Variants in MYT1L observed in about 807,000 individuals in gnomAD.
MYT1L encodes the protein myelin transcription factor 1 like.
A neutral mutation model predicts 126.7 loss-of-function variants in MYT1L; 12 were observed. The ratio of observed to expected loss-of-function variants is 0.09; its 90% confidence interval spans 0.06 to 0.15. The LOEUF (loss-of-function observed/expected upper bound fraction) is 0.15. Among genes scored for constraint, MYT1L ranks in the 10% least tolerant of loss-of-function variants. The pLI, the probability that MYT1L is intolerant of heterozygous loss-of-function variation, is 1.00. For missense variants in MYT1L, 979 were observed against 1,585.2 expected, an observed-to-expected ratio of 0.62 and a Z score of 6.49; for synonymous variants, 541 against 604.2, an observed-to-expected ratio of 0.90 and a Z score of 1.53.
intron 18 of MYT1L, among the ~76,000 whole-genome samples, chr2:1,876,045 C>G (rs1416732006): frequency 3.9e-5 from 6 of 152,214 alleles, no homozygotes; most frequent in Admixed American, 3.3e-4. Context: ...ACGTGCACAT[C>G]TGCGGTGAGG....
intron 2 of MYT1L, among the ~76,000 whole-genome samples, chr2:2,187,537 C>A (rs565557533): frequency 9.2e-5 from 14 of 151,586 alleles, no homozygotes; most frequent in Non-Finnish European, 1.9e-4. Context: ...GCCAGCCTCG[C>A]CCCCGTGGAA....
intron 9 of MYT1L, among the ~76,000 whole-genome samples, chr2:1,935,004 T>G (rs527488401): frequency 6.6e-6 from 1 of 152,322 alleles, no homozygotes; most frequent in East Asian, 1.9e-4. Context: ...TTGTCTCTAG[T>G]CTTCCATATT....
intron 8 of MYT1L, among the ~76,000 whole-genome samples, chr2:1,960,276 C>T (rs1477224220): frequency 1.3e-5 from 2 of 152,174 alleles, no homozygotes; most frequent in African/African-American, 4.8e-5. Flanking sequence ...CTGAAGAATG[C>T]AGAATGTGGA....
At chr2:2,062,327 CG>C (rs2070636702) in intron 3 of MYT1L, among the ~76,000 whole-genome samples, 2 of 152,196 alleles carry the variant, frequency 1.3e-5, no homozygotes, top group South Asian at 4.1e-4. Flanking sequence ...TTCCCAATTA[CG>C]TCCTATCTTC....
At chr2:1,877,780 G>A (rs1324828707) in intron 18 of MYT1L, among the ~76,000 whole-genome samples, 2 of 145,270 alleles carry the variant, frequency 1.4e-5, no homozygotes, top group African/African-American at 2.7e-5. Context: ...TAGGTCACCT[G>A]TTTGTATCCT....
intron 21 of MYT1L, among the ~76,000 whole-genome samples, chr2:1,833,058 A>G (rs1381771376): frequency 6.6e-6 from 1 of 152,040 alleles, no homozygotes; most frequent in Non-Finnish European, 1.5e-5. Flanking sequence ...GCTTAGGGGG[A>G]GGGTGAGCTG....
At chr2:2,198,070 A>G (rs2092904381) in intron 2 of MYT1L, among the ~76,000 whole-genome samples, 1 of 152,078 alleles carries the variant, frequency 6.6e-6, no homozygotes, top group African/African-American at 2.4e-5. Context: ...ACAATGGAAC[A>G]CTACCCAGCA....
At chr2:2,098,170 C>T (rs1454352656) in intron 3 of MYT1L, among the ~76,000 whole-genome samples, 2 of 152,166 alleles carry the variant, frequency 1.3e-5, no homozygotes, top group Non-Finnish European at 2.9e-5. Context: ...TGTAGTGATG[C>T]AAACACACAC....
chr2:2,286,143 C>A (rs1404542342), intron 1 of MYT1L, among the ~76,000 whole-genome samples: 9 of 152,114 alleles, frequency 5.9e-5, no homozygotes, highest in African/African-American at 2.2e-4. Context: ...CCACCACCCC[C>A]GGCTAATTTT....
At chr2:2,121,230 G>A (rs1575313932) in intron 3 of MYT1L, among the ~76,000 whole-genome samples, 1 of 152,212 alleles carries the variant, frequency 6.6e-6, no homozygotes. Context: ...GGAGTGCAAC[G>A]GCGCGGTCTC....
chr2:1,795,064 C>T (rs190621878), intron 23 of MYT1L, among the ~76,000 whole-genome samples: 6 of 152,316 alleles, frequency 3.9e-5, no homozygotes, highest in South Asian at 2.1e-4. Context: ...AGCCCACACA[C>T]GAAGGGCCCC....
intron 3 of MYT1L, among the ~76,000 whole-genome samples, chr2:2,103,779 G>A (rs1462454997): frequency 1.3e-5 from 2 of 152,186 alleles, no homozygotes; most frequent in Admixed American, 6.5e-5. Context: ...AGAAACAACA[G>A]CAAGATCTCA....
intron 18 of MYT1L, among the ~76,000 whole-genome samples, chr2:1,857,561 T>C (rs10169129): frequency 0.16 from 24,147 of 152,196 alleles, 2,435 homozygotes; most frequent in African/African-American, 0.29. Context: ...CTTTGTTTCA[T>C]GGTAGCTCTA....
intron 13 of MYT1L, among the ~76,000 whole-genome samples, chr2:1,905,942 T>G (rs879425512): frequency 6.6e-6 from 1 of 152,216 alleles, no homozygotes; most frequent in Admixed American, 6.5e-5. Flanking sequence ...AAATATATTT[T>G]CTCTTGAGTC....
chr2:1,874,053 G>C (rs994390064), intron 18 of MYT1L, among the ~76,000 whole-genome samples: 1 of 74,472 alleles, frequency 1.3e-5, no homozygotes, highest in Admixed American at 1.0e-4. Context: ...GACAGGGAGA[G>C]GGCAAGGAGA....
At chr2:1,799,738 C>T (rs1391710107) in intron 23 of MYT1L, among the ~76,000 whole-genome samples, 1 of 152,230 alleles carries the variant, frequency 6.6e-6, no homozygotes. Flanking sequence ...TGGTTTGGCT[C>T]TGTGTCCCCA....
rs181670563 is a variant in MYT1L at position 2,284,807 on chromosome 2, G to A, written c.-520-304C>T. On this transcript the variant is annotated intron_variant, in intron 1 of 24. Coordinates refer to ENST00000647738, the MANE Select transcript of MYT1L (RefSeq NM_001303052.2). Reference sequence around the variant, plus strand: ...TGGAGCCTGTCTCCTGGGTTCAAGCGATTCTCCTGCCTCAGCCTCCCAAGT... The same window carrying A: ...TGGAGCCTGTCTCCTGGGTTCAAGCAATTCTCCTGCCTCAGCCTCCCAAGT... Among the ~76,000 whole-genome samples the A allele has an allele frequency of 4.2e-3, 646 of 152,182 alleles. 6 individuals carry two copies. The highest frequency in any genetic ancestry group is 0.015 in the African/African-American group (619 of 41,532).
intron 1 of MYT1L, among the ~76,000 whole-genome samples, chr2:2,318,378 G>C (rs186395050): frequency 7.9e-5 from 12 of 152,274 alleles, no homozygotes; most frequent in Non-Finnish European, 1.6e-4. Flanking sequence ...CCTAGGATCA[G>C]ATACTGTTTT....
intron 2 of MYT1L, among the ~76,000 whole-genome samples, chr2:2,262,358 C>T (rs886221775): frequency 7.2e-5 from 11 of 151,740 alleles, no homozygotes; most frequent in African/African-American, 1.9e-4. Context: ...AGAAAGACTC[C>T]GTCTCAAAAC....
Sources: allele counts gnomAD v4.1 joint callset (sites outside exome capture counted in the v4.1 genomes callset), GRCh38; gene constraint gnomAD v4.1.1; transcripts MANE v1.5; gene names NCBI Gene and HGNC (gene_info 2026-07-23, HGNC 2026-07-21).